Variants in ARRB1 observed in about 807,000 individuals in gnomAD.
ARRB1 encodes beta-arrestin-1.
In ARRB1, 21 loss-of-function variants were observed where a neutral mutation model predicts 56.8. The ratio of observed to expected loss-of-function variants is 0.37; its 90% CI spans 0.26 to 0.53. The LOEUF (loss-of-function observed/expected upper bound fraction) is 0.53, where lower values mean the gene tolerates loss of function less well. ARRB1 is among the 20% of genes least tolerant of loss of function. The pLI is 0.88. For synonymous variants in ARRB1, 210 were observed against 218.6 expected, an observed-to-expected ratio of 0.96 and a Z score of 0.35; for missense variants, 424 against 553.7, an observed-to-expected ratio of 0.77 and a Z score of 2.35.
At chr11:75,280,909 G>A (rs768883855) in intron 7 of ARRB1, 166 bp downstream of exon 7, 37 of 748,520 alleles carry the variant, frequency 4.9e-5, no homozygotes, top group Middle Eastern at 4.7e-4. Context: ...ACCTCCCCAA[G>A]GAAGCCCTCC....
chr11:75,325,965 T>C (rs929702626), intron 1 of ARRB1, among the ~76,000 whole-genome samples: 8 of 152,186 alleles, frequency 5.3e-5, no homozygotes, highest in Non-Finnish European at 1.0e-4. Context: ...AACAGAAGAA[T>C]CTCAGAGCTC....
intron 1 of ARRB1, among the ~76,000 whole-genome samples, chr11:75,297,635 C>A (rs1262078069): frequency 6.6e-6 from 1 of 151,862 alleles, no homozygotes; most frequent in East Asian, 1.9e-4. Flanking sequence ...GAGGCTGAGG[C>A]GGGCAGATCA....
At chr11:75,272,790 T>A in intron 12 of ARRB1, 105 bp downstream of exon 12, 1 of 1,075,100 alleles carries the variant, frequency 9.3e-7, no homozygotes. Flanking sequence ...CCAAGGTGGA[T>A]GCAGCTAAAA....
chr11:75,268,875 C>G lies in ARRB1; in HGVS notation c.1093+14G>C. On this transcript the variant is annotated intron_variant, in intron 14 of 15. Coordinates refer to ENST00000420843, the MANE Select transcript of ARRB1 (RefSeq NM_004041.5). ...AGAGAACCCCTACCCCAGAGACCTA[C>G]AGATTCTGCTCACCTTCCCGATGCG... The G allele has an allele frequency of 6.2e-7, 1 of 1,608,624 alleles. No individual in the cohort carries two copies. Among genetic ancestry groups the G allele is most frequent in the Non-Finnish European group, 8.5e-7 (1 of 1,178,600 alleles).
At chr11:75,285,949 C>T (rs538227184) in intron 3 of ARRB1, among the ~76,000 whole-genome samples, 1 of 152,226 alleles carries the variant, frequency 6.6e-6, no homozygotes, top group Non-Finnish European at 1.5e-5. Context: ...TCTGAGAGGC[C>T]ACCTCAGGGA....
intron 1 of ARRB1, among the ~76,000 whole-genome samples, chr11:75,348,205 C>A (rs1012472272): frequency 2.0e-5 from 3 of 152,204 alleles, no homozygotes; most frequent in Non-Finnish European, 4.4e-5. Context: ...GCACGCCTTG[C>A]TTCCTGCCTC....
chr11:75,303,618 C>T lies in ARRB1; in HGVS notation c.21-13579G>A, dbSNP rs528572621. ...TTTTACCTGCAGAAGGTACAGGCCC[C>T]GGTGTCGGTGTTGTTTCCCCAGAGC... On this transcript the variant is annotated intron_variant, in intron 1 of 15. Coordinates refer to ENST00000420843, the MANE Select transcript of ARRB1 (RefSeq NM_004041.5). 1.0e-3 allele frequency: 469 copies of T among 456,310 alleles called. 5 individuals are homozygous for T. Among genetic ancestry groups the T allele is most frequent in the South Asian group, 6.9e-3 (445 of 64,566 alleles). The allele number at this position is 456,310 out of a possible 1,614,324, so 28.3% of individuals were successfully genotyped here.
At chr11:75,311,422 G>A (rs1004855878) in intron 1 of ARRB1, among the ~76,000 whole-genome samples, 8 of 152,242 alleles carry the variant, frequency 5.3e-5, no homozygotes, top group Admixed American at 1.3e-4. Context: ...TGGGCAGGGG[G>A]CTGTTGAGAA....
intron 4 of ARRB1, 84 bp downstream of exon 4, chr11:75,284,151 G>A: frequency 1.5e-6 from 2 of 1,378,998 alleles, no homozygotes; most frequent in Non-Finnish European, 2.0e-6. Context: ...AACCAGTGGG[G>A]ATGGGCAGGG....
At chr11:75,338,159 C>A (rs964371678) in intron 1 of ARRB1, among the ~76,000 whole-genome samples, 2 of 152,024 alleles carry the variant, frequency 1.3e-5, no homozygotes, top group African/African-American at 4.8e-5. Context: ...TGAAGGGCCT[C>A]CAGTGCCACC....
chr11:75,331,432 C>G (rs1947517385), intron 1 of ARRB1, among the ~76,000 whole-genome samples: 1 of 152,170 alleles, frequency 6.6e-6, no homozygotes, highest in South Asian at 2.1e-4. Context: ...ATCACAGCCC[C>G]CGTGACCTGC....
At chr11:75,327,923 C>T (rs550823330) in intron 1 of ARRB1, among the ~76,000 whole-genome samples, 55 of 152,272 alleles carry the variant, frequency 3.6e-4, no homozygotes, top group African/African-American at 1.3e-3. Context: ...GGCAATGCAG[C>T]AAGACCCTGT....
rs186276983 is a variant in ARRB1, at chr11:75,261,363, G to T, written c.*4800C>A. The T allele has an allele frequency of 7.6e-3, 1,157 of 152,102 alleles. 7 individuals are homozygous for T. The highest frequency in any genetic ancestry group is 0.013 in the Non-Finnish European group (857 of 68,028). 9.4% of individuals were successfully genotyped at this position (152,102 alleles called of 1,614,324 possible). ...AGATCAAACCTCGAGATGGTGGTTTGAAGTTCTTCTTCAAAGAAAGCTTGA... is the reference window on the plus strand; with the variant it reads ...AGATCAAACCTCGAGATGGTGGTTTTAAGTTCTTCTTCAAAGAAAGCTTGA... On this transcript the variant is annotated 3_prime_UTR_variant, in exon 16 of 16. Transcript: ENST00000420843.
intron 1 of ARRB1, among the ~76,000 whole-genome samples, chr11:75,313,252 G>A (rs1429026986): frequency 1.3e-5 from 2 of 152,236 alleles, no homozygotes; most frequent in African/African-American, 4.8e-5. Flanking sequence ...TTGGGAGGCT[G>A]AGGCAGGAGA....
chr11:75,272,926 C>G lies in ARRB1; in HGVS notation c.967G>C (p.Val323Leu). The G allele has an allele frequency of 6.2e-7, 1 of 1,614,074 alleles. No individual in the cohort carries two copies. The highest frequency in any genetic ancestry group is 8.5e-7 in the Non-Finnish European group (1 of 1,179,980). Residue 323 changes from valine to leucine, a missense_variant, in exon 12 of 16, where the codon GTG (valine) becomes CTG (leucine). Transcript: ENST00000420843. ...CGAGACACCACCAGCTTCACTTTCA[C>G]TTTGTAGGAAACAATGATCCCCAGG... ...EILGIIVSYK[V>L]KVKLVVSRGG...
At chr11:75,296,090 G>A (rs1183044937) in intron 1 of ARRB1, among the ~76,000 whole-genome samples, 1 of 149,074 alleles carries the variant, frequency 6.7e-6, no homozygotes, top group Non-Finnish European at 1.5e-5. Context: ...GGAGGCTGAG[G>A]CATGAGAATT....
chr11:75,345,915 A>G (rs1435311905), intron 1 of ARRB1, among the ~76,000 whole-genome samples: 1 of 152,184 alleles, frequency 6.6e-6, no homozygotes, highest in Non-Finnish European at 1.5e-5. Context: ...CTCCTGGGGA[A>G]GCAGACCCAG....
At chr11:75,320,054 A>T (rs1039463384) in intron 1 of ARRB1, among the ~76,000 whole-genome samples, 3 of 152,204 alleles carry the variant, frequency 2.0e-5, no homozygotes, top group African/African-American at 4.8e-5. Context: ...TCCCCCCCAG[A>T]GCAGGAGGCA....
At chr11:75,297,856 C>T (rs1461508985) in intron 1 of ARRB1, among the ~76,000 whole-genome samples, 10 of 48,142 alleles carry the variant, frequency 2.1e-4, no homozygotes, top group African/African-American at 2.8e-4. Context: ...GAGAGCAAGA[C>T]TTTGTCTCAA....
Sources: gnomAD v4.1 joint callset for allele counts (sites outside exome capture counted in the v4.1 genomes callset) on GRCh38, gnomAD v4.1.1 for gene constraint, MANE v1.5 for transcripts, NCBI Gene and HGNC (gene_info 2026-07-23, HGNC 2026-07-21) for gene names.